FHOD3: variants seen among roughly 807,000 people sequenced by gnomAD.
FHOD3 encodes the protein formin homology 2 domain containing 3, also known as FH1/FH2 domain-containing protein 3.
A neutral mutation model predicts 173.0 loss-of-function variants in FHOD3; 90 were observed. The observed-to-expected ratio is 0.52, with a 90% CI of 0.44 to 0.62. The LOEUF is 0.62. FHOD3 is among the 20% of genes least tolerant of loss of function. FHOD3 has a pLI of 0.00. For synonymous variants in FHOD3, 828 were observed against 823.0 expected (o/e 1.01, Z -0.10); for missense variants, 1,945 against 2,034.7 (o/e 0.96, Z 0.85).
chr18:36,681,556 AAG>A lies in FHOD3; in HGVS notation c.1958_1959del (p.Arg653LysfsTer31). On this transcript the variant is annotated frameshift_variant, in exon 15 of 29. Coordinates refer to ENST00000590592, the MANE Select transcript of FHOD3 (RefSeq NM_001281740.3). LOFTEE classifies it high-confidence loss of function. The part of the protein sequence containing the change: ...ERLQRIEREE[R>X]NKFSRDYLDK... ...GGTTGCAGAGAATAGAGCGGGAAGA[AAG>A]AAACAAATTCAGGTAAGAAGGATCT... is the stretch of plus-strand genomic sequence containing the variant. The A allele has an allele frequency of 1.9e-6, 3 of 1,613,746 alleles. No individual in the cohort carries two copies. Among genetic ancestry groups the A allele is most frequent in the Non-Finnish European group, 2.5e-6 (3 of 1,179,802 alleles).
At chr18:36,303,028 C>G (rs2091995037) in intron 1 of FHOD3, among the ~76,000 whole-genome samples, 1 of 152,174 alleles carries the variant, frequency 6.6e-6, no homozygotes, top group African/African-American at 2.4e-5. Flanking sequence ...TGGCCTCTTG[C>G]AACGATCTGG....
intron 5 of FHOD3, among the ~76,000 whole-genome samples, chr18:36,550,224 A>G: frequency 7.2e-6 from 1 of 138,302 alleles, no homozygotes; most frequent in Non-Finnish European, 1.6e-5. Flanking sequence ...ATATATATAT[A>G]TATAGGCCAG....
At chr18:36,657,977 C>G (rs765676659) in intron 13 of FHOD3, 98 bp from the exon 14 acceptor site, 5 of 870,368 alleles carry the variant, frequency 5.7e-6, no homozygotes, top group African/African-American at 5.2e-5. Flanking sequence ...AGACCTGTTT[C>G]TCTTGCAAAA....
intron 3 of FHOD3, among the ~76,000 whole-genome samples, chr18:36,418,225 T>C (rs1195157358): frequency 6.6e-6 from 1 of 152,190 alleles, no homozygotes; most frequent in Non-Finnish European, 1.5e-5. Flanking sequence ...TTCAGAGTGG[T>C]TGTGGTGATC....
intron 28 of FHOD3, among the ~76,000 whole-genome samples, chr18:36,773,468 T>G (rs2043485501): frequency 6.6e-6 from 1 of 152,206 alleles, no homozygotes; most frequent in Non-Finnish European, 1.5e-5. Flanking sequence ...ATGGAATCCA[T>G]TTCCATGCTC....
At chr18:36,550,473 T>C (rs927803152) in intron 5 of FHOD3, among the ~76,000 whole-genome samples, 1 of 151,984 alleles carries the variant, frequency 6.6e-6, no homozygotes, top group African/African-American at 2.4e-5. Flanking sequence ...TGTAAATTTC[T>C]AGGGGGAAAA....
intron 3 of FHOD3, among the ~76,000 whole-genome samples, chr18:36,409,080 C>T (rs1293315089): frequency 2.0e-5 from 3 of 152,138 alleles, no homozygotes; most frequent in Admixed American, 2.0e-4. Context: ...GTGCTTCTCA[C>T]CGGGCTGAGT....
chr18:36,523,095 A>G (rs1448463833), intron 5 of FHOD3, among the ~76,000 whole-genome samples: 1 of 152,066 alleles, frequency 6.6e-6, no homozygotes, highest in Non-Finnish European at 1.5e-5. Flanking sequence ...ACCACACTGG[A>G]GTCGTGTCTG....
intron 2 of FHOD3, among the ~76,000 whole-genome samples, chr18:36,369,056 A>G (rs552936726): frequency 1.3e-5 from 2 of 152,332 alleles, no homozygotes; most frequent in Non-Finnish European, 2.9e-5. Flanking sequence ...TAAGCATTCC[A>G]TAAATGTTAA....
At chr18:36,304,828 A>C (rs1271151356) in intron 1 of FHOD3, among the ~76,000 whole-genome samples, 1 of 152,214 alleles carries the variant, frequency 6.6e-6, no homozygotes, top group Non-Finnish European at 1.5e-5. Flanking sequence ...CTAAGGCTAT[A>C]ATAAGTGATA....
At position 36,625,722 on chromosome 18, in the gene FHOD3, C is replaced by G. The variant is rs1213606565; in HGVS notation, c.1169C>G (p.Pro390Arg). ...TCCCAGTCAGCTCCCAGCTTCAAGC[C>G]CAACCAAGTGCGAGATCTGCGTGAA... ...PCSQSAPSFK[P>R]NQVRDLREKE... The change falls in exon 10 of 29, where the codon CCC becomes CGC. Residue 390 changes from proline (P) to arginine (R), a missense_variant. By Grantham distance (103) the Pro-to-Arg change is moderately radical. This residue lies in a region of FHOD3 where 1,099 missense variants were observed against 1,051.2 expected (regional missense o/e 1.05). Transcript: ENST00000590592. 7 of 1,609,696 alleles carry G rather than the reference C, an allele frequency of 4.3e-6. No individual in the cohort carries two copies. In the African/African-American group the frequency reaches 9.4e-5, roughly 22 times the overall value.
rs569476377 is a variant in FHOD3, at chr18:36,723,659, G to A, written c.3417+4944G>A. On this transcript the variant is annotated intron_variant, in intron 19 of 28. Coordinates refer to ENST00000590592, the MANE Select transcript of FHOD3 (RefSeq NM_001281740.3). ...CCAACAGTGATGCAGAGAAGCATTT[G>A]CAAAGGTCTGTCGCCTTTCATGGAA... Among the ~76,000 whole-genome samples the A allele has an allele frequency of 4.6e-3, 697 of 152,262 alleles. 5 individuals are homozygous for A. The highest frequency in any genetic ancestry group is 0.022 in the South Asian group (107 of 4,820).
intron 2 of FHOD3, among the ~76,000 whole-genome samples, chr18:36,367,511 T>C (rs1342995030): frequency 6.6e-6 from 1 of 152,162 alleles, no homozygotes; most frequent in African/African-American, 2.4e-5. Context: ...TTCCACTTCA[T>C]CTTGCTGCAA....
chr18:36,313,329 G>A (rs1423136705), intron 1 of FHOD3, among the ~76,000 whole-genome samples: 1 of 152,022 alleles, frequency 6.6e-6, no homozygotes, highest in African/African-American at 2.4e-5. Context: ...TTTATTTTTG[G>A]TGCACAGTCC....
At chr18:36,724,400 C>T (rs2040947739) in intron 19 of FHOD3, among the ~76,000 whole-genome samples, 1 of 152,248 alleles carries the variant, frequency 6.6e-6, no homozygotes, top group African/African-American at 2.4e-5. Context: ...GGTAGCTGCC[C>T]ACCAGCTGAA....
chr18:36,699,021 C>T (rs1264081018), intron 17 of FHOD3, among the ~76,000 whole-genome samples: 1 of 152,146 alleles, frequency 6.6e-6, no homozygotes, highest in African/African-American at 2.4e-5. Flanking sequence ...CCAACCAGAT[C>T]TTTGCTCTAG....
At chr18:36,343,868 G>A (rs558783856) in intron 1 of FHOD3, among the ~76,000 whole-genome samples, 2 of 152,224 alleles carry the variant, frequency 1.3e-5, no homozygotes, top group Non-Finnish European at 2.9e-5. Flanking sequence ...AGTGTCTAGA[G>A]TAGGCAAATC....
At chr18:36,768,734 CTG>C (rs142584628) in intron 27 of FHOD3, among the ~76,000 whole-genome samples, 1,988 of 152,248 alleles carry the variant, frequency 0.013, 42 homozygotes, top group African/African-American at 0.046. Context: ...CAAAGATAAA[CTG>C]TGTATTATAA....
chr18:36,748,715 C>T (rs893301155), intron 24 of FHOD3, among the ~76,000 whole-genome samples: 5 of 152,054 alleles, frequency 3.3e-5, no homozygotes, highest in African/African-American at 9.7e-5. Context: ...GTAAAAGGGG[C>T]GTGGCTAAAG....
Sources: allele counts gnomAD v4.1 joint callset (sites outside exome capture counted in the v4.1 genomes callset), GRCh38; gene constraint gnomAD v4.1.1; regional missense constraint gnomAD v4.1.1; transcripts MANE v1.5; gene names NCBI Gene and HGNC (gene_info 2026-07-23, HGNC 2026-07-21).